The following EEFSEC variants were observed in gnomAD, a reference collection of about 807,000 sequenced individuals.
EEFSEC encodes the protein selenocysteine-specific elongation factor.
Under a neutral mutation model 42.1 loss-of-function variants are expected in EEFSEC, and 43 were observed. That is an observed-to-expected ratio of 1.02 (90% CI 0.80 to 1.32). The LOEUF (loss-of-function observed/expected upper bound fraction) is 1.32, where lower values mean the gene tolerates loss of function less well. Ranked by LOEUF, EEFSEC falls within the 40% of genes most tolerant of loss-of-function variation. The pLI, the probability that EEFSEC is intolerant of heterozygous loss-of-function variation, is 0.00. For missense variants in EEFSEC, 745 were observed against 803.6 expected, an observed-to-expected ratio of 0.93 and a Z score of 0.88; for synonymous variants, 354 against 339.1, an observed-to-expected ratio of 1.04 and a Z score of -0.48.
At chr3:128,244,605 A>G (rs13434079) in intron 1 of EEFSEC, among the ~76,000 whole-genome samples, 87,545 of 152,012 alleles carry the variant, frequency 0.58, 27,923 homozygotes, top group Non-Finnish European at 0.73. Flanking sequence ...GATACTACAC[A>G]TCCCTGTTTA....
At chr3:128,361,230 C>T (rs927889711) in intron 6 of EEFSEC, among the ~76,000 whole-genome samples, 58 of 152,216 alleles carry the variant, frequency 3.8e-4, no homozygotes, top group African/African-American at 1.4e-3. Context: ...CCTTGGGTTG[C>T]AAGGTCAGAT....
chr3:128,229,030 C>G (rs531451088), intron 1 of EEFSEC, among the ~76,000 whole-genome samples: 1 of 152,272 alleles, frequency 6.6e-6, no homozygotes, highest in East Asian at 1.9e-4. Flanking sequence ...TTTCTACCTC[C>G]TGGGGCTATA....
At chr3:128,406,951 G>A (rs956437662) in intron 6 of EEFSEC, among the ~76,000 whole-genome samples, 8 of 151,426 alleles carry the variant, frequency 5.3e-5, no homozygotes, top group Admixed American at 4.6e-4. Context: ...ACAAGCTCCA[G>A]AGAAAGGGCA....
rs543012120 is a variant in EEFSEC, at chr3:128,316,988, G to A, written c.787-24245G>A. On this transcript the variant is annotated intron_variant, in intron 4 of 6. Coordinates refer to ENST00000254730, the MANE Select transcript of EEFSEC (RefSeq NM_021937.5). ...ATACAGGAATAATTAGTTCAGCCAC[G>A]ATGCCTCAGAACAAAAGCCCTTGAT... Among the ~76,000 whole-genome samples, 4 of 152,304 alleles carry A rather than the reference G, an allele frequency of 2.6e-5. No homozygotes were observed. In the East Asian group the frequency reaches 7.7e-4, roughly 29 times the overall value.
At chr3:128,351,956 G>T (rs550724739) in intron 5 of EEFSEC, among the ~76,000 whole-genome samples, 3 of 152,348 alleles carry the variant, frequency 2.0e-5, no homozygotes, top group East Asian at 3.9e-4. Context: ...CACATGCGTT[G>T]CCTTTGGTTT....
chr3:128,407,289 C>T (rs1343762151), intron 6 of EEFSEC, among the ~76,000 whole-genome samples: 1 of 152,200 alleles, frequency 6.6e-6, no homozygotes, highest in Non-Finnish European at 1.5e-5. Flanking sequence ...GGGGGCTGCA[C>T]CCACCCAAGC....
At chr3:128,357,394 A>T (rs1312101209) in intron 5 of EEFSEC, among the ~76,000 whole-genome samples, 1 of 152,250 alleles carries the variant, frequency 6.6e-6, no homozygotes, top group Non-Finnish European at 1.5e-5. Flanking sequence ...CCACAAAGAG[A>T]CAGCAGCGGC....
intron 2 of EEFSEC, among the ~76,000 whole-genome samples, chr3:128,254,379 G>C (rs2066220722): frequency 6.6e-6 from 1 of 152,202 alleles, no homozygotes; most frequent in Non-Finnish European, 1.5e-5. Flanking sequence ...GGTTGCAGCA[G>C]TTCCCAGGGC....
intron 1 of EEFSEC, among the ~76,000 whole-genome samples, chr3:128,224,846 G>C (rs533274103): frequency 2.0e-5 from 3 of 152,266 alleles, no homozygotes; most frequent in African/African-American, 4.8e-5. Flanking sequence ...TCCACAAAAG[G>C]ATATAAGAAC....
At chr3:128,227,624 G>A (rs78363529) in intron 1 of EEFSEC, among the ~76,000 whole-genome samples, 1,703 of 152,298 alleles carry the variant, frequency 0.011, 23 homozygotes, top group African/African-American at 0.039. Context: ...GGTGAGAGCG[G>A]CATTAACTCA....
chr3:128,218,920 A>G (rs1458171585), intron 1 of EEFSEC, among the ~76,000 whole-genome samples: 2 of 152,198 alleles, frequency 1.3e-5, no homozygotes, highest in Non-Finnish European at 2.9e-5. Context: ...TCAGTTAGGC[A>G]TTCCCTCAGA....
At chr3:128,414,714 C>G in the EEFSEC span, among the ~76,000 whole-genome samples, 1 of 152,246 alleles carries the variant, frequency 6.6e-6, no homozygotes, top group South Asian at 2.1e-4. Context: ...TAACTAACTT[C>G]ACCGCCATCA....
intron 4 of EEFSEC, among the ~76,000 whole-genome samples, chr3:128,339,006 C>A (rs1316112957): frequency 6.6e-6 from 1 of 152,192 alleles, no homozygotes; most frequent in Non-Finnish European, 1.5e-5. Flanking sequence ...GCTGCAGGCG[C>A]CTGGGAGGGA....
chr3:128,346,145 T>C (rs142639001), intron 5 of EEFSEC, among the ~76,000 whole-genome samples: 56 of 152,316 alleles, frequency 3.7e-4, no homozygotes, highest in Admixed American at 2.9e-3. Context: ...ACCCTACCAG[T>C]TGTGGCTTAA....
intron 4 of EEFSEC, among the ~76,000 whole-genome samples, chr3:128,278,864 T>TA (rs991334869): frequency 1.3e-5 from 2 of 152,106 alleles, no homozygotes; most frequent in African/African-American, 4.8e-5. Context: ...CTCCAGGTAA[T>TA]AGAGAGGGCA....
intron 4 of EEFSEC, among the ~76,000 whole-genome samples, chr3:128,314,033 G>T (rs931993820): frequency 6.6e-6 from 1 of 152,146 alleles, no homozygotes; most frequent in Non-Finnish European, 1.5e-5. Context: ...ATGCAAGATG[G>T]TTCTACATCT....
intron 4 of EEFSEC, among the ~76,000 whole-genome samples, chr3:128,308,551 G>A (rs1175836933): frequency 6.6e-6 from 1 of 152,200 alleles, no homozygotes; most frequent in Non-Finnish European, 1.5e-5. Flanking sequence ...GAACCAGTAA[G>A]CCAGTCCCCC....
chr3:128,218,849 A>C lies in EEFSEC; in HGVS notation c.317-27987A>C, dbSNP rs138796343. Among the ~76,000 whole-genome samples, 120 of 152,320 alleles carry C rather than the reference A, an allele frequency of 7.9e-4. 3 individuals are homozygous for C. In the East Asian group the frequency reaches 0.02, roughly 25 times the overall value. ...TGTGCTACTTTTTGTTTGGCTTTAG[A>C]CATTATCTGTAGACTTCCTGCTAAG... On this transcript the variant is annotated intron_variant, in intron 1 of 6. Coordinates refer to ENST00000254730, the MANE Select transcript of EEFSEC (RefSeq NM_021937.5).
At chr3:128,293,503 T>C (rs564317957) in intron 4 of EEFSEC, among the ~76,000 whole-genome samples, 1 of 151,602 alleles carries the variant, frequency 6.6e-6, no homozygotes, top group Non-Finnish European at 1.5e-5. Context: ...CTACTAAAAA[T>C]ACAAAAAATT....
Sources: gnomAD v4.1 joint callset for allele counts (sites outside exome capture counted in the v4.1 genomes callset) on GRCh38, gnomAD v4.1.1 for gene constraint, MANE v1.5 for transcripts, NCBI Gene and HGNC (gene_info 2026-07-23, HGNC 2026-07-21) for gene names.